SGIP1: variants seen among roughly 807,000 people sequenced by gnomAD.
SGIP1 encodes SH3-containing GRB2-like protein 3-interacting protein 1.
In SGIP1, 38 loss-of-function variants were observed where a neutral mutation model predicts 107.5. That is an observed-to-expected ratio of 0.35 (90% CI 0.27 to 0.46). The LOEUF is 0.46. Among genes scored for constraint, SGIP1 ranks in the 20% least tolerant of loss-of-function variants. The pLI, the probability that SGIP1 is intolerant of heterozygous loss-of-function variation, is 1.00. For synonymous variants in SGIP1, 365 were observed against 366.1 expected, an observed-to-expected ratio of 1.00 and a Z score of 0.03; for missense variants, 929 against 1,019.5, an observed-to-expected ratio of 0.91 and a Z score of 1.21.
At chr1:66,742,992 G>A (rs2094505490) in intron 24 of SGIP1, 81 bp from the exon 25 acceptor site, 3 of 1,426,970 alleles carry the variant, frequency 2.1e-6, no homozygotes, top group South Asian at 1.2e-5. Context: ...GGTAGGGAAG[G>A]AGGAATAGAA....
At position 66,630,871 on chromosome 1, in the gene SGIP1, GA is replaced by G. The variant is rs1249392562; in HGVS notation, c.75-2196del. On this transcript the variant is annotated intron_variant, in intron 2 of 24. Coordinates refer to ENST00000371037, the MANE Select transcript of SGIP1 (RefSeq NM_032291.4). ...AGAAAGAAAGAAAGAAAGAAAGAAAGAAAGAAAGAAAGAAAGAAAGAAAGAA... is the reference window on the plus strand; with the variant it reads ...AGAAAGAAAGAAAGAAAGAAAGAAAGAAGAAAGAAAGAAAGAAAGAAAGAA... Among the ~76,000 whole-genome samples the G allele has an allele frequency of 2.7e-3, 108 of 40,618 alleles. 11 individuals are homozygous for G. The highest frequency in any genetic ancestry group is 7.2e-3 in the African/African-American group (59 of 8,162). The allele number at this position is 40,618 out of a possible 152,430, so 26.6% of individuals were successfully genotyped here. A position where few individuals can be genotyped will look rare whatever the true frequency, so the allele number is the denominator to read the frequency against.
chr1:66,667,273 T>C (rs565948581), intron 8 of SGIP1, among the ~76,000 whole-genome samples: 2 of 152,350 alleles, frequency 1.3e-5, no homozygotes, highest in South Asian at 4.1e-4. Context: ...TGTTCTTATG[T>C]ACACATAACT....
At chr1:66,652,048 C>A (rs765268038) in intron 7 of SGIP1, among the ~76,000 whole-genome samples, 9 of 151,992 alleles carry the variant, frequency 5.9e-5, no homozygotes, top group Non-Finnish European at 1.2e-4. Flanking sequence ...ACGGAGAAAC[C>A]AGCACAGAAA....
chr1:66,596,165 C>T (rs2064627137), intron 1 of SGIP1, among the ~76,000 whole-genome samples: 2 of 152,200 alleles, frequency 1.3e-5, no homozygotes, highest in African/African-American at 4.8e-5. Flanking sequence ...TGGCGTGCCC[C>T]AGCTAACCAA....
Position 66,687,996 on chromosome 1 carries a change from T to C in SGIP1, c.1316-1152T>C, listed in dbSNP as rs560042550. Among the ~76,000 whole-genome samples, 19 of 152,266 alleles carry C rather than the reference T, an allele frequency of 1.2e-4. No homozygotes were observed. The East Asian group carries it at 3.7e-3, about 29-fold the overall frequency. ...CAGCAGATTTCTGAAATGATAGGTT[T>C]TGCTGCTCAACTTCAAAGCTTTTGA... On this transcript the variant is annotated intron_variant, in intron 15 of 24. Transcript: ENST00000371037.
intron 1 of SGIP1, among the ~76,000 whole-genome samples, chr1:66,586,995 G>T (rs2062727383): frequency 6.6e-6 from 1 of 151,880 alleles, no homozygotes. Flanking sequence ...GTTTGTCTTG[G>T]CACTTAAAAG....
chr1:66,634,181 G>T (rs1228987910), intron 3 of SGIP1: 3 of 1,602,466 alleles, frequency 1.9e-6, no homozygotes. Flanking sequence ...CTGCTTCTGT[G>T]TCTCTTCTTT....
At chr1:66,679,559 G>C (rs757167241) in intron 13 of SGIP1, 119 bp from the exon 14 acceptor site, 14 of 1,026,364 alleles carry the variant, frequency 1.4e-5, no homozygotes, top group Non-Finnish European at 1.7e-5. Context: ...ACCATTAATT[G>C]CTATTCCATT....
At position 66,746,436 on chromosome 1, in the gene SGIP1, A is replaced by G. The variant is rs1428945290; in HGVS notation, c.*3341A>G. On this transcript the variant is annotated 3_prime_UTR_variant, in exon 25 of 25. Transcript: ENST00000371037. ...ATACCATAACAGTACACAATGATCT[A>G]TCATGTGTCTTCCAACTCTGAAGTT... 6.6e-6 allele frequency: 1 copy of G among 152,138 alleles called. No individual in the cohort carries two copies. The highest frequency in any genetic ancestry group is 1.5e-5 in the Non-Finnish European group (1 of 67,986). 9.4% of individuals were successfully genotyped at this position (152,138 alleles called of 1,614,324 possible). A position where few individuals can be genotyped will look rare whatever the true frequency, so the allele number is the denominator to read the frequency against.
At chr1:66,701,994 C>A (rs2091967925) in intron 18 of SGIP1, among the ~76,000 whole-genome samples, 1 of 152,176 alleles carries the variant, frequency 6.6e-6, no homozygotes, top group African/African-American at 2.4e-5. Context: ...GTGAAAATAT[C>A]ATTTTGCTTG....
rs570067011 is a variant in SGIP1 at position 66,695,255 on chromosome 1, T to TAAAAAA, written c.1571-168_1571-163dup. On this transcript the variant is annotated intron_variant, in intron 17 of 24. Coordinates refer to ENST00000371037, the MANE Select transcript of SGIP1 (RefSeq NM_032291.4). ...TGCTTTTGCTTTCTGTTTCCTGAAC[T>TAAAAAA]AAAAAAAAAAAAAAAAGTGTAGATT... 2.1e-3 allele frequency: 2,002 copies of TAAAAAA among 948,112 alleles called. 5 individuals carry two copies. The highest frequency in any genetic ancestry group is 4.6e-3 in the East Asian group (116 of 25,316). The allele number at this position is 948,112 out of a possible 1,614,324, so 58.7% of individuals were successfully genotyped here.
intron 7 of SGIP1, among the ~76,000 whole-genome samples, chr1:66,650,928 G>C (rs182989793): frequency 1.3e-5 from 2 of 152,192 alleles, no homozygotes; most frequent in East Asian, 3.9e-4. Flanking sequence ...AACTAAGTTT[G>C]CATTCTGACT....
At chr1:66,708,187 T>C (rs2092659011) in intron 18 of SGIP1, among the ~76,000 whole-genome samples, 1 of 152,218 alleles carries the variant, frequency 6.6e-6, no homozygotes, top group African/African-American at 2.4e-5. Context: ...TTATTTAATT[T>C]CACTAAGGTT....
Position 66,733,716 on chromosome 1 carries a change from C to G in SGIP1, c.1899-32C>G, listed in dbSNP as rs535514811. 1.9e-6 allele frequency: 3 copies of G among 1,601,750 alleles called. No individual in the cohort carries two copies. In the South Asian group the frequency reaches 3.4e-5, roughly 18 times the overall value. On this transcript the variant is annotated intron_variant, in intron 20 of 24. Transcript: ENST00000371037. Reference sequence around the variant, plus strand: ...TAGGGTTTATATTTGTTTTAAGATGCTACTCAATCATTTTTCTTCCCAAAT... The same window carrying G: ...TAGGGTTTATATTTGTTTTAAGATGGTACTCAATCATTTTTCTTCCCAAAT...
intron 1 of SGIP1, among the ~76,000 whole-genome samples, chr1:66,543,056 G>A (rs187516104): frequency 1.8e-4 from 28 of 152,300 alleles, no homozygotes; most frequent in Non-Finnish European, 1.6e-4. Flanking sequence ...TTTATTATCA[G>A]GTCATGATCT....
At chr1:66,608,247 C>T (rs1332014526) in intron 1 of SGIP1, among the ~76,000 whole-genome samples, 1 of 152,236 alleles carries the variant, frequency 6.6e-6, no homozygotes, top group East Asian at 1.9e-4. Context: ...ATGAAAAGTA[C>T]ATGGCAGGCA....
intron 7 of SGIP1, among the ~76,000 whole-genome samples, chr1:66,644,950 T>C (rs2077413474): frequency 2.0e-5 from 3 of 152,218 alleles, no homozygotes; most frequent in African/African-American, 7.2e-5. Flanking sequence ...AAGTTACATA[T>C]TGGCCTGTGA....
rs756351136 is a variant in SGIP1, at chr1:66,677,058, T to C, written c.701T>C (p.Met234Thr). The change falls in exon 13 of 25, where the codon ATG becomes ACG. Residue 234 changes from methionine to threonine, a missense_variant. Transcript: ENST00000371037. The part of the protein sequence containing the change: ...WGSGQPINPS[M>T]ESPKLTRPFP... Reference sequence around the variant, plus strand: ...TCAGGCCAACCAATTAATCCAAGCATGGAGTCGCCAAAGTTAACAAGGCCT... The same window carrying C: ...TCAGGCCAACCAATTAATCCAAGCACGGAGTCGCCAAAGTTAACAAGGCCT... 2.5e-6 allele frequency: 4 copies of C among 1,614,050 alleles called. No homozygotes were observed. Among genetic ancestry groups the C allele is most frequent in the East Asian group, 2.2e-5 (1 of 44,852 alleles).
chr1:66,614,431 CATT>C lies in SGIP1; in HGVS notation c.11-11407_11-11405del, dbSNP rs2068719116. Among the ~76,000 whole-genome samples, 2 of 152,142 alleles carry C rather than the reference CATT, an allele frequency of 1.3e-5. 1 individual carries two copies. The highest frequency in any genetic ancestry group is 3.8e-4 in the East Asian group (2 of 5,202). On this transcript the variant is annotated intron_variant, in intron 1 of 24. Transcript: ENST00000371037. The stretch of plus-strand genomic sequence containing the variant: ...ACAGATGAATAAATATATTGATGGT[CATT>C]ATTATTATAAATCTTGCAAACAGGA...
Sources: gnomAD v4.1 joint callset for allele counts (sites outside exome capture counted in the v4.1 genomes callset) on GRCh38, gnomAD v4.1.1 for gene constraint, MANE v1.5 for transcripts, NCBI Gene and HGNC (gene_info 2026-07-23, HGNC 2026-07-21) for gene names.